The following ERICH1 variants were observed in gnomAD, a reference collection of about 807,000 sequenced individuals.
ERICH1 encodes glutamate rich 1, also known as glutamate-rich protein 1.
ERICH1 carries 56 observed loss-of-function variants against 39.6 expected under a neutral mutation model. That is an observed-to-expected ratio of 1.41 (90% confidence interval 1.14 to 1.77). The LOEUF is 1.77. Among genes scored for constraint, ERICH1 ranks in the 40% most tolerant of loss-of-function variants. The pLI, the probability that ERICH1 is intolerant of heterozygous loss-of-function variation, is 0.00. For missense variants in ERICH1, 826 were observed against 575.4 expected, an observed-to-expected ratio of 1.44 and a Z score of -4.45; for synonymous variants, 313 against 223.6, an observed-to-expected ratio of 1.40 and a Z score of -3.57.
In ERICH1 at chr8:616,964, C is replaced by CAGAG. The variant is rs74222338; in HGVS notation, c.977-1684_977-1681dup. ...AGAGGGAGAGGGAGACAGAGACACA[C>CAGAG]AGAGAGAGAGAGAGAGAGACATTGG... is the stretch of plus-strand genomic sequence containing the variant. On this transcript the variant is annotated intron_variant, in intron 3 of 3. Transcript: ENST00000522706. Among the ~76,000 whole-genome samples the CAGAG allele has an allele frequency of 0.012, 124 of 10,154 alleles. 35 individuals are homozygous for CAGAG. The African/African-American group carries it at 0.18, about 15-fold the overall frequency. The allele number at this position is 10,154 out of a possible 152,430, so 6.7% of individuals were successfully genotyped here.
intron 3 of ERICH1, among the ~76,000 whole-genome samples, chr8:631,266 G>A (rs1278449143): frequency 2.6e-5 from 4 of 152,202 alleles, no homozygotes; most frequent in Admixed American, 1.3e-4. Flanking sequence ...GTGGTGCCCA[G>A]CCCCCGTGCC....
chr8:681,332 A>G (rs1806070777), intron 3 of ERICH1, among the ~76,000 whole-genome samples: 1 of 152,230 alleles, frequency 6.6e-6, no homozygotes, highest in African/African-American at 2.4e-5. Context: ...CTAGCTCACG[A>G]GAAAAACAAC....
chr8:623,942 C>T (rs1797441207), intron 3 of ERICH1, among the ~76,000 whole-genome samples: 1 of 151,894 alleles, frequency 6.6e-6, no homozygotes, highest in Non-Finnish European at 1.5e-5. Flanking sequence ...GCAAATGATA[C>T]CACTAATAAA....
At chr8:690,085 G>A (rs1019417555) in intron 3 of ERICH1, among the ~76,000 whole-genome samples, 6 of 152,122 alleles carry the variant, frequency 3.9e-5, no homozygotes, top group Admixed American at 6.5e-5. Context: ...GCAACCCCAC[G>A]TCAACAAGAG....
At chr8:699,205 G>A (rs1401154099) in intron 2 of ERICH1, among the ~76,000 whole-genome samples, 2 of 152,096 alleles carry the variant, frequency 1.3e-5, no homozygotes, top group African/African-American at 2.4e-5. Flanking sequence ...ACCCTGATAC[G>A]AGATGTGTAA....
At chr8:678,120 T>C (rs62487389) in intron 3 of ERICH1, among the ~76,000 whole-genome samples, 2,714 of 152,294 alleles carry the variant, frequency 0.018, 31 homozygotes, top group Middle Eastern at 0.037. Context: ...TGTGTATGCG[T>C]GTACTTTTGA....
chr8:671,050 G>A (rs571549270), intron 4 of ERICH1, among the ~76,000 whole-genome samples: 33 of 151,934 alleles, frequency 2.2e-4, no homozygotes, highest in Middle Eastern at 3.4e-3. Flanking sequence ...TGAGCCCACC[G>A]GTCCCCAGGC....
intron 3 of ERICH1, among the ~76,000 whole-genome samples, chr8:681,448 A>G (rs916474349): frequency 6.6e-6 from 1 of 152,366 alleles, no homozygotes; most frequent in East Asian, 1.9e-4. Flanking sequence ...ATGTTTATGA[A>G]TGACTTTCAT....
In ERICH1 at chr8:692,467, C is replaced by T; in HGVS notation, c.304+11G>A. ...AAAGATGTCTACCTTTCCTCCCACC[C>T]AGCATTTTACCTTCTGTGTCATCCC... On this transcript the variant is annotated intron_variant, in intron 3 of 5. Transcript: ENST00000262109. The T allele has an allele frequency of 6.2e-7, 1 of 1,613,986 alleles. No homozygotes were observed. Among genetic ancestry groups the T allele is most frequent in the African/African-American group, 1.3e-5 (1 of 75,028 alleles).
intron 4 of ERICH1, among the ~76,000 whole-genome samples, chr8:672,781 T>G (rs1020566): frequency 0.12 from 18,792 of 152,164 alleles, 1,527 homozygotes; most frequent in East Asian, 0.38. Context: ...AACTGCACAA[T>G]AATGCATGCT....
At chr8:631,188 GGGA>G (rs1474527452) in intron 3 of ERICH1, among the ~76,000 whole-genome samples, 4 of 152,268 alleles carry the variant, frequency 2.6e-5, no homozygotes, top group Admixed American at 6.5e-5. Context: ...GCTTGGCTCT[GGGA>G]GGAGAACAGG....
chr8:643,622 C>T (rs1016117064), intron 3 of ERICH1, among the ~76,000 whole-genome samples: 2 of 152,098 alleles, frequency 1.3e-5, no homozygotes, highest in Non-Finnish European at 2.9e-5. Flanking sequence ...CTGCCTTCCT[C>T]AAAGGATGGA....
At chr8:715,194 C>A (rs1463470852) in intron 2 of ERICH1, among the ~76,000 whole-genome samples, 1 of 150,568 alleles carries the variant, frequency 6.6e-6, no homozygotes, top group South Asian at 2.1e-4. Flanking sequence ...GGGATGTGGT[C>A]CACCCAGGTG....
downstream of ERICH1, among the ~76,000 whole-genome samples, chr8:661,046 G>A (rs969622476): frequency 5.3e-5 from 8 of 152,302 alleles, no homozygotes; most frequent in African/African-American, 1.2e-4. Context: ...TAACCTGGTA[G>A]GGAACTCACT....
intron 1 of ERICH1, among the ~76,000 whole-genome samples, chr8:722,388 A>C (rs1324050845): frequency 1.3e-5 from 2 of 152,196 alleles, no homozygotes; most frequent in Admixed American, 1.3e-4. Flanking sequence ...TCCCTTTCAC[A>C]GGGGAATTAA....
At chr8:632,550 A>G (rs917384180) in intron 3 of ERICH1, among the ~76,000 whole-genome samples, 1 of 152,212 alleles carries the variant, frequency 6.6e-6, no homozygotes, top group Non-Finnish European at 1.5e-5. Flanking sequence ...CTAGAATAGA[A>G]TAACAAAAGG....
intron 2 of ERICH1, among the ~76,000 whole-genome samples, chr8:699,473 C>A (rs1811173405): frequency 6.6e-6 from 1 of 152,192 alleles, no homozygotes; most frequent in Non-Finnish European, 1.5e-5. Flanking sequence ...AGCACGAGCA[C>A]AACAATGCTG....
At position 668,686 on chromosome 8, in the gene ERICH1, G is replaced by A; in HGVS notation, c.1170C>T (p.Tyr390=). ...SMLPSDVSIL[Y]HMKTLLLLQD... Reference sequence around the variant, plus strand: ...GCAGGAGCAGCAGCGTTTTCATGTGGTACAGGATGGACACGTCTGAGGGCA... The same window carrying A: ...GCAGGAGCAGCAGCGTTTTCATGTGATACAGGATGGACACGTCTGAGGGCA... The change falls in exon 5 of 6, where the codon TAC becomes TAT. Residue 390 remains tyrosine, a synonymous_variant. Coordinates refer to ENST00000262109, the MANE Select transcript of ERICH1 (RefSeq NM_207332.3). The A allele has an allele frequency of 1.2e-6, 2 of 1,614,138 alleles. No individual in the cohort carries two copies. The highest frequency in any genetic ancestry group is 1.1e-5 in the South Asian group (1 of 91,084).
At chr8:652,917 G>A (rs1800156399) in intron 3 of ERICH1, among the ~76,000 whole-genome samples, 1 of 152,196 alleles carries the variant, frequency 6.6e-6, no homozygotes, top group Non-Finnish European at 1.5e-5. Flanking sequence ...TAACCATCAG[G>A]ATGATTATCA....
Sources: gnomAD v4.1 joint callset for allele counts (sites outside exome capture counted in the v4.1 genomes callset) on GRCh38, gnomAD v4.1.1 for gene constraint, MANE v1.5 for transcripts, NCBI Gene and HGNC (gene_info 2026-07-23, HGNC 2026-07-21) for gene names.